The following RPS6KA3 variants were observed in gnomAD, a reference collection of about 807,000 sequenced individuals.
The protein encoded by RPS6KA3 is ribosomal protein S6 kinase A3.
A neutral mutation model predicts 67.2 loss-of-function variants in RPS6KA3; 4 were observed. The observed-to-expected ratio is 0.06, with a 90% confidence interval of 0.03 to 0.14. The LOEUF is 0.14. Among genes scored for constraint, RPS6KA3 ranks in the 10% least tolerant of loss-of-function variants. The pLI, the probability that RPS6KA3 is intolerant of heterozygous loss-of-function variation, is 1.00. For missense variants in RPS6KA3, 204 were observed against 559.0 expected (o/e 0.36, Z 6.40); for synonymous variants, 182 against 183.7 (o/e 0.99, Z 0.07).
chrX:20,248,090 A>G (rs1396709275), intron 1 of RPS6KA3, among the ~76,000 whole-genome samples: 3 of 111,925 alleles, frequency 2.7e-5, no homozygotes, highest in Non-Finnish European at 5.6e-5. Flanking sequence ...TATGGCTCCT[A>G]AACAGGAAAG....
intron 10 of RPS6KA3, among the ~76,000 whole-genome samples, chrX:20,181,797 T>C (rs1024354567): frequency 4.5e-5 from 5 of 110,384 alleles, no homozygotes; most frequent in African/African-American, 1.3e-4. Flanking sequence ...GAATGACAAA[T>C]AGGCTGTGGA....
chrX:20,167,851 C>A, intron 16 of RPS6KA3, 104 bp from the exon 17 acceptor site: 1 of 555,766 alleles, frequency 1.8e-6, no homozygotes, highest in South Asian at 2.7e-5. Flanking sequence ...ATATTCAAGA[C>A]AAATTTTATT....
intron 5 of RPS6KA3, among the ~76,000 whole-genome samples, chrX:20,194,632 A>G (rs114192653): frequency 0.016 from 1,806 of 111,441 alleles, 39 homozygotes; most frequent in African/African-American, 0.056. Flanking sequence ...TACACATAGT[A>G]AGAATCACCA....
rs2067670839 is a variant in RPS6KA3, at chrX:20,175,262, T to G, written c.1129A>C (p.Asn377His). 1 of 1,207,910 alleles carries G rather than the reference T, an allele frequency of 8.3e-7. No individual in the cohort carries two copies. The highest frequency in any genetic ancestry group is 1.1e-6 in the Non-Finnish European group (1 of 892,956). ...KDSPGIPPSA[N>H]AHQLFRGFSF... Reference sequence around the variant, plus strand: ...AACCCCCGAAAAAGCTGATGTGCATTAGCACTAGGTGGAATGCCAGGTGAA... The same window carrying G: ...AACCCCCGAAAAAGCTGATGTGCATGAGCACTAGGTGGAATGCCAGGTGAA... The change falls in exon 14 of 22, where the codon AAT becomes CAT. Residue 377 changes from asparagine to histidine, a missense_variant. Physicochemically the swap from Asn to His is moderately conservative, Grantham distance 68. This residue lies in a region of RPS6KA3 where 76 missense variants were observed against 250.3 expected (regional missense o/e 0.30). Transcript: ENST00000379565.
chrX:20,165,198 A>G, intron 17 of RPS6KA3, 138 bp from the exon 18 acceptor site: 1 of 514,382 alleles, frequency 1.9e-6, no homozygotes. Context: ...ATTATAAAAT[A>G]CTGATAATGT....
intron 4 of RPS6KA3, chrX:20,203,242 A>C (rs988655154): frequency 9.3e-5 from 10 of 107,467 alleles, no homozygotes; most frequent in African/African-American, 3.5e-4. Flanking sequence ...GTATTTTTAA[A>C]TCTATATTTC....
At chrX:20,265,457 C>T (rs1196308814) in intron 1 of RPS6KA3, 1 of 112,362 alleles carries the variant, frequency 8.9e-6, no homozygotes, top group African/African-American at 3.3e-5. Flanking sequence ...CCCGTTCCAC[C>T]CCCGCGTTTC....
In RPS6KA3 at chrX:20,201,167, A is replaced by T. The variant is rs752027669; in HGVS notation, c.325+2855T>A. Among the ~76,000 whole-genome samples the T allele has an allele frequency of 1.2e-4, 13 of 109,764 alleles. No homozygotes were observed. In the South Asian group the frequency reaches 2.3e-3, roughly 20 times the overall value. On this transcript the variant is annotated intron_variant, in intron 4 of 21. Coordinates refer to ENST00000379565, the MANE Select transcript of RPS6KA3 (RefSeq NM_004586.3). ...ATATGAAATAACATGCATTCATCTC[A>T]CTCTGTCACCCAGGCTGGAGTACAG...
chrX:20,165,176 A>C (rs2067402051), intron 17 of RPS6KA3, 116 bp from the exon 18 acceptor site: 3 of 561,779 alleles, frequency 5.3e-6, no homozygotes, highest in Non-Finnish European at 6.2e-6. Context: ...CTGACCTTTA[A>C]ATTAGCCTAA....
intron 2 of RPS6KA3, among the ~76,000 whole-genome samples, chrX:20,210,107 G>T (rs1003122791): frequency 6.2e-5 from 7 of 112,107 alleles, no homozygotes; most frequent in Non-Finnish European, 1.3e-4. Flanking sequence ...AAGTATCTGG[G>T]TTAAGAGAAG....
rs773233381 is a variant in RPS6KA3 at position 20,240,038 on chromosome X, C to T, written c.70-5224G>A. Among the ~76,000 whole-genome samples the T allele has an allele frequency of 9.1e-5, 10 of 110,232 alleles. No homozygotes were observed. The South Asian group carries it at 3.7e-3, about 41-fold the overall frequency. On this transcript the variant is annotated intron_variant, in intron 1 of 21. Coordinates refer to ENST00000379565, the MANE Select transcript of RPS6KA3 (RefSeq NM_004586.3). ...TACTTTGATTTCAGCAGGAGATCAT[C>T]ATGTATAAGTATGCTAGGACCAAAA...
chrX:20,176,955 C>G, intron 11 of RPS6KA3, 41 bp downstream of exon 11: 1 of 967,834 alleles, frequency 1.0e-6, no homozygotes, highest in Non-Finnish European at 1.5e-6. Flanking sequence ...AAACAAACAC[C>G]AACAAACATA....
intron 1 of RPS6KA3, among the ~76,000 whole-genome samples, chrX:20,239,155 G>A (rs1366378847): frequency 9.0e-6 from 1 of 110,973 alleles, no homozygotes; most frequent in Non-Finnish European, 1.9e-5. Flanking sequence ...AACATTTTGA[G>A]CCTCAGTTTC....
intron 2 of RPS6KA3, among the ~76,000 whole-genome samples, chrX:20,233,566 C>G (rs2069327714): frequency 9.1e-6 from 1 of 109,701 alleles, no homozygotes; most frequent in African/African-American, 3.3e-5. Context: ...TAGCAAGACC[C>G]CATCTGTACA....
intron 10 of RPS6KA3, among the ~76,000 whole-genome samples, chrX:20,177,381 T>C (rs1368547524): frequency 1.8e-5 from 2 of 112,516 alleles, no homozygotes; most frequent in African/African-American, 3.2e-5. Flanking sequence ...TGCCATTTTA[T>C]TACATGTATG....
Position 20,164,888 on chromosome X carries a change from C to G in RPS6KA3, c.1764+11G>C. ...CATACTAATACTGCAAGCAAACTCT[C>G]TCACAATTACCTCTGGTGCAACAAA... is the stretch of plus-strand genomic sequence containing the variant. On this transcript the variant is annotated intron_variant, in intron 18 of 21. Coordinates refer to ENST00000379565, the MANE Select transcript of RPS6KA3 (RefSeq NM_004586.3). 1 of 1,193,378 alleles carries G rather than the reference C, an allele frequency of 8.4e-7. No individual in the cohort carries two copies. Among genetic ancestry groups the G allele is most frequent in the Non-Finnish European group, 1.1e-6 (1 of 878,881 alleles).
At chrX:20,181,967 G>A in intron 10 of RPS6KA3, among the ~76,000 whole-genome samples, 1 of 112,029 alleles carries the variant, frequency 8.9e-6, no homozygotes, top group African/African-American at 3.2e-5. Flanking sequence ...TCGCTGAAAG[G>A]GAGGGATCAA....
chrX:20,250,180 G>A (rs2069824443), intron 1 of RPS6KA3, among the ~76,000 whole-genome samples: 2 of 110,980 alleles, frequency 1.8e-5, no homozygotes, highest in Admixed American at 9.6e-5. Flanking sequence ...AAAATCATTT[G>A]GAAGGGTTCC....
At chrX:20,218,290 C>T (rs750614686) in intron 2 of RPS6KA3, among the ~76,000 whole-genome samples, 1 of 111,932 alleles carries the variant, frequency 8.9e-6, no homozygotes, top group East Asian at 2.8e-4. Flanking sequence ...AAATTACTTG[C>T]TTAAAGTTAC....
Sources: gnomAD v4.1 joint callset for allele counts (sites outside exome capture counted in the v4.1 genomes callset) on GRCh38, gnomAD v4.1.1 for gene constraint, gnomAD v4.1.1 regional missense constraint, MANE v1.5 for transcripts, NCBI Gene and HGNC (gene_info 2026-07-23, HGNC 2026-07-21) for gene names.